Variants in CXCL13 observed in about 807,000 individuals in gnomAD.
CXCL13 encodes the protein C-X-C motif chemokine 13.
CXCL13 carries 7 observed loss-of-function variants against 12.2 expected under a neutral mutation model. The observed-to-expected ratio is 0.57, with a 90% CI of 0.33 to 1.07. The LOEUF (loss-of-function observed/expected upper bound fraction) is 1.07, where lower values mean the gene tolerates loss of function less well. Ranked by LOEUF, CXCL13 falls within the 50% of genes least tolerant of loss-of-function variation. The pLI is 0.04. For synonymous variants in CXCL13, 47 were observed against 42.4 expected, an observed-to-expected ratio of 1.11 and a Z score of -0.42; for missense variants, 113 against 127.4, an observed-to-expected ratio of 0.89 and a Z score of 0.55.
chr4:77,604,359 C>T (rs976316214), upstream of CXCL13, among the ~76,000 whole-genome samples: 2 of 152,288 alleles, frequency 1.3e-5, no homozygotes, highest in African/African-American at 4.8e-5. Flanking sequence ...TTCTGTCTAT[C>T]GCAGGAGTTG....
intron 1 of CXCL13, among the ~76,000 whole-genome samples, chr4:77,527,105 A>C (rs1383399346): frequency 1.3e-5 from 2 of 152,202 alleles, no homozygotes; most frequent in Non-Finnish European, 2.9e-5. Flanking sequence ...CATTTCACCG[A>C]AGAAGACCTA....
chr4:77,565,372 T>C (rs1380698992), intron 1 of CXCL13, among the ~76,000 whole-genome samples: 1 of 152,180 alleles, frequency 6.6e-6, no homozygotes, highest in Non-Finnish European at 1.5e-5. Context: ...CCTGGGTCAG[T>C]GAAGAAAGGC....
intron 1 of CXCL13, among the ~76,000 whole-genome samples, chr4:77,598,949 C>T (rs545935933): frequency 6.6e-6 from 1 of 152,202 alleles, no homozygotes; most frequent in South Asian, 2.1e-4. Context: ...ACTGGGATTA[C>T]AGGCACCTGC....
intron 1 of CXCL13, among the ~76,000 whole-genome samples, chr4:77,581,946 C>T (rs1726343542): frequency 6.6e-6 from 1 of 152,108 alleles, no homozygotes; most frequent in Non-Finnish European, 1.5e-5. Flanking sequence ...TACTGAAACT[C>T]TTCTATTAAA....
At chr4:77,605,363 G>A (rs971051550), upstream of CXCL13, among the ~76,000 whole-genome samples, 4 of 152,204 alleles carry the variant, frequency 2.6e-5, no homozygotes, top group Non-Finnish European at 4.4e-5. Context: ...TTCATTTGCT[G>A]TGCAAATATT....
At chr4:77,534,717 C>A (rs1725016995) in intron 1 of CXCL13, among the ~76,000 whole-genome samples, 1 of 152,164 alleles carries the variant, frequency 6.6e-6, no homozygotes, top group Non-Finnish European at 1.5e-5. Flanking sequence ...AGCAGAAGTC[C>A]ATTTAGTGCA....
At chr4:77,554,067 A>G (rs1725599447) in intron 1 of CXCL13, among the ~76,000 whole-genome samples, 1 of 152,130 alleles carries the variant, frequency 6.6e-6, no homozygotes, top group Non-Finnish European at 1.5e-5. Flanking sequence ...TACCTTAAAT[A>G]TACACAATAA....
At chr4:77,532,559 G>A (rs563042171) in intron 1 of CXCL13, among the ~76,000 whole-genome samples, 19 of 152,084 alleles carry the variant, frequency 1.2e-4, no homozygotes, top group South Asian at 4.2e-4. Context: ...TCTTTGTGGC[G>A]TTCTCCGTAT....
chr4:77,588,401 G>A (rs556612439), intron 1 of CXCL13, among the ~76,000 whole-genome samples: 1 of 152,330 alleles, frequency 6.6e-6, no homozygotes, highest in Non-Finnish European at 1.5e-5. Flanking sequence ...GGATTCAGGT[G>A]TGACACCTGT....
At chr4:77,534,946 A>G (rs921509837) in intron 1 of CXCL13, among the ~76,000 whole-genome samples, 2 of 152,236 alleles carry the variant, frequency 1.3e-5, no homozygotes, top group Admixed American at 6.5e-5. Context: ...TTCTGGCATT[A>G]CAACAAAAGA....
intron 1 of CXCL13, among the ~76,000 whole-genome samples, chr4:77,595,685 C>A (rs964305195): frequency 2.6e-5 from 4 of 152,138 alleles, no homozygotes; most frequent in Non-Finnish European, 4.4e-5. Flanking sequence ...CCAAAGAGCA[C>A]CCTAATAATG....
At chr4:77,521,294 C>G (rs1263861904) in intron 1 of CXCL13, among the ~76,000 whole-genome samples, 3 of 152,190 alleles carry the variant, frequency 2.0e-5, no homozygotes, top group African/African-American at 7.2e-5. Context: ...AGGAATGGTA[C>G]CAGCTCCTCT....
chr4:77,522,514 C>CTTTT (rs777857811), intron 1 of CXCL13, among the ~76,000 whole-genome samples: 129 of 10,088 alleles, frequency 0.013, 27 homozygotes, highest in Middle Eastern at 0.071. Context: ...GCAACCCCTG[C>CTTTT]TTTTTTTTTT....
At chr4:77,599,782 A>G (rs1726850909) in intron 1 of CXCL13, among the ~76,000 whole-genome samples, 1 of 152,152 alleles carries the variant, frequency 6.6e-6, no homozygotes, top group African/African-American at 2.4e-5. Flanking sequence ...TTTTGAGAAG[A>G]TGGTTCTGGC....
intron 1 of CXCL13, among the ~76,000 whole-genome samples, chr4:77,539,906 C>G (rs760057284): frequency 4.6e-5 from 7 of 152,108 alleles, no homozygotes; most frequent in Non-Finnish European, 7.4e-5. Context: ...ATCTGACTAG[C>G]TACCTACTGT....
chr4:77,600,035 TG>T (rs1388267397), intron 1 of CXCL13, among the ~76,000 whole-genome samples: 2 of 152,128 alleles, frequency 1.3e-5, no homozygotes, highest in Non-Finnish European at 2.9e-5. Flanking sequence ...TTTGAGCAAC[TG>T]GGTGAATGAT....
At chr4:77,524,256 C>T (rs1320197149) in intron 1 of CXCL13, among the ~76,000 whole-genome samples, 6 of 152,208 alleles carry the variant, frequency 3.9e-5, no homozygotes, top group Non-Finnish European at 5.9e-5. Flanking sequence ...AACCCCTTCT[C>T]TCTTCAGAGA....
At chr4:77,596,785 CAAAAAAAAA>C in intron 1 of CXCL13, among the ~76,000 whole-genome samples, 1 of 64,810 alleles carries the variant, frequency 1.5e-5, no homozygotes, top group East Asian at 5.9e-4. Context: ...GACTCTGTCT[CAAAAAAAAA>C]AAAAAAAAAG....
At chr4:77,516,313 C>T (rs1418476969) in intron 1 of CXCL13, among the ~76,000 whole-genome samples, 1 of 152,196 alleles carries the variant, frequency 6.6e-6, no homozygotes, top group Admixed American at 6.5e-5. Flanking sequence ...CAGGATGATG[C>T]TGGCCTCATA....
Sources: allele counts gnomAD v4.1 joint callset (sites outside exome capture counted in the v4.1 genomes callset), GRCh38; gene constraint gnomAD v4.1.1; transcripts MANE v1.5; gene names NCBI Gene and HGNC (gene_info 2026-07-23, HGNC 2026-07-21).